The following FANCB variants were observed in gnomAD, a reference collection of about 807,000 sequenced individuals.
The protein encoded by FANCB is Fanconi anemia group B protein.
FANCB carries 5 observed loss-of-function variants against 38.9 expected under a neutral mutation model. That is an observed-to-expected ratio of 0.13 (90% CI 0.07 to 0.27). The LOEUF (loss-of-function observed/expected upper bound fraction) is 0.27, where lower values mean the gene tolerates loss of function less well. Among genes scored for constraint, FANCB ranks in the 10% least tolerant of loss-of-function variants. The pLI is 1.00. For missense variants in FANCB, 573 were observed against 602.7 expected (o/e 0.95, Z 0.52); for synonymous variants, 236 against 215.4 (o/e 1.10, Z -0.84).
At chrX:14,772,263 C>G in the FANCB span, among the ~76,000 whole-genome samples, 2 of 111,896 alleles carry the variant, frequency 1.8e-5, no homozygotes, top group African/African-American at 6.5e-5. Flanking sequence ...AGCTCCATCC[C>G]AGGGAGATAT....
chrX:14,819,862 T>C, the FANCB span, among the ~76,000 whole-genome samples: 1 of 111,628 alleles, frequency 9.0e-6, no homozygotes, highest in Non-Finnish European at 1.9e-5. Context: ...ATTGTTGCAG[T>C]AGCATCCTAA....
At chrX:14,754,362 C>A in the FANCB span, among the ~76,000 whole-genome samples, 2 of 112,263 alleles carry the variant, frequency 1.8e-5, no homozygotes, top group Admixed American at 1.9e-4. Context: ...CCTGGACAGA[C>A]CAATAACAAG....
At chrX:14,872,369 C>T (rs1181145130) in intron 1 of FANCB, among the ~76,000 whole-genome samples, 9 of 112,114 alleles carry the variant, frequency 8.0e-5, no homozygotes, top group Non-Finnish European at 1.7e-4. Context: ...ATATTGTATG[C>T]GCAACTATTT....
chrX:14,701,968 T>C, the FANCB span, among the ~76,000 whole-genome samples: 1 of 112,094 alleles, frequency 8.9e-6, no homozygotes, highest in Non-Finnish European at 1.9e-5. Context: ...TTTAAGTGCA[T>C]GATTTAAAGT....
chrX:14,723,880 G>C, the FANCB span, among the ~76,000 whole-genome samples: 28 of 112,179 alleles, frequency 2.5e-4, no homozygotes, highest in African/African-American at 9.1e-4. Flanking sequence ...CCTTATCATA[G>C]TTAGTAATTA....
the FANCB span, among the ~76,000 whole-genome samples, chrX:14,830,577 C>T: frequency 9.0e-6 from 1 of 111,494 alleles, no homozygotes; most frequent in Non-Finnish European, 1.9e-5. Flanking sequence ...CTGCAATACA[C>T]TTCATCCTTA....
chrX:14,745,725 A>T, the FANCB span, among the ~76,000 whole-genome samples: 1 of 69,737 alleles, frequency 1.4e-5, no homozygotes. Context: ...TTTGAGACAG[A>T]GTCTCACTCT....
In FANCB at chrX:14,868,999, G is replaced by A. The variant is rs779976534; in HGVS notation, c.-147C>T. ...AAGTAGTTTCAGCTTCATCAGTAAA[G>A]AAGATAGGGTAGGTAAATCAAAGGT... On this transcript the variant is annotated 5_prime_UTR_variant, in exon 2 of 10. Coordinates refer to ENST00000650831, the MANE Select transcript of FANCB (RefSeq NM_001018113.3). 8.9e-6 allele frequency: 1 copy of A among 111,938 alleles called. No individual in the cohort carries two copies. The highest frequency in any genetic ancestry group is 3.2e-5 in the African/African-American group (1 of 30,891). The allele number at this position is 111,938 out of a possible 1,213,427, so 9.2% of individuals were successfully genotyped here. A position where few individuals can be genotyped will look rare whatever the true frequency, so the allele number is the denominator to read the frequency against.
chrX:14,821,534 CAT>C, the FANCB span, among the ~76,000 whole-genome samples: 4 of 112,231 alleles, frequency 3.6e-5, no homozygotes, highest in Non-Finnish European at 7.5e-5. Flanking sequence ...ATAGTTAAGA[CAT>C]ATGACATGAC....
the FANCB span, among the ~76,000 whole-genome samples, chrX:14,792,383 C>A: frequency 9.0e-6 from 1 of 110,917 alleles, no homozygotes; most frequent in South Asian, 3.8e-4. Flanking sequence ...GACTTTCCCT[C>A]CCCACCTGGC....
chrX:14,835,520 A>G (rs2092338893), downstream of FANCB, among the ~76,000 whole-genome samples: 1 of 112,167 alleles, frequency 8.9e-6, no homozygotes, highest in South Asian at 3.7e-4. Flanking sequence ...TTGTTAAGAT[A>G]CAGATTACCA....
intron 2 of FANCB, among the ~76,000 whole-genome samples, chrX:14,868,296 A>C (rs779039332): frequency 1.3e-3 from 151 of 111,939 alleles, no homozygotes; most frequent in Non-Finnish European, 1.8e-3. Flanking sequence ...AAAATATGGA[A>C]TCAACCCAAG....
At chrX:14,800,228 G>T in the FANCB span, among the ~76,000 whole-genome samples, 1 of 111,898 alleles carries the variant, frequency 8.9e-6, no homozygotes, top group Non-Finnish European at 1.9e-5. Context: ...TAATGGCTCA[G>T]AACCCTGTGA....
At chrX:14,818,403 T>C in the FANCB span, among the ~76,000 whole-genome samples, 1 of 105,345 alleles carries the variant, frequency 9.5e-6, no homozygotes, top group Non-Finnish European at 1.9e-5. Flanking sequence ...AGAGAGACTC[T>C]AGATGTGAAG....
At chrX:14,697,786 T>C in the FANCB span, among the ~76,000 whole-genome samples, 1 of 112,015 alleles carries the variant, frequency 8.9e-6, no homozygotes, top group Non-Finnish European at 1.9e-5. Context: ...TCTGTACACA[T>C]AAAAAGGAAA....
At chrX:14,730,510 T>G in the FANCB span, 23 of 1,139,355 alleles carry the variant, frequency 2.0e-5, no homozygotes, top group African/African-American at 4.1e-4. Context: ...CCCTGGGACC[T>G]TCTTGCCTCA....
the FANCB span, among the ~76,000 whole-genome samples, chrX:14,715,256 T>C: frequency 6.0e-3 from 676 of 112,475 alleles, 3 homozygotes; most frequent in African/African-American, 0.021. Context: ...ACCTCAGTTA[T>C]TGAGTGACAT....
chrX:14,811,818 T>C, the FANCB span, among the ~76,000 whole-genome samples: 1 of 111,434 alleles, frequency 9.0e-6, no homozygotes, highest in East Asian at 2.8e-4. Context: ...GCGGACCTAA[T>C]AGACATCTAC....
At chrX:14,740,233 G>A in the FANCB span, among the ~76,000 whole-genome samples, 1 of 102,645 alleles carries the variant, frequency 9.7e-6, no homozygotes, top group Admixed American at 1.0e-4. Flanking sequence ...GAAGGGAGAA[G>A]AGATAAAAGG....
Sources: allele counts gnomAD v4.1 joint callset (sites outside exome capture counted in the v4.1 genomes callset), GRCh38; gene constraint gnomAD v4.1.1; transcripts MANE v1.5; gene names NCBI Gene and HGNC (gene_info 2026-07-23, HGNC 2026-07-21).